SLC9A2: variants seen among roughly 807,000 people sequenced by gnomAD.
SLC9A2 encodes the protein solute carrier family 9 member A2.
A neutral mutation model predicts 71.7 loss-of-function variants in SLC9A2; 42 were observed. That is an observed-to-expected ratio of 0.59 (90% CI 0.46 to 0.76). The LOEUF (loss-of-function observed/expected upper bound fraction) is 0.76. Among genes scored for constraint, SLC9A2 ranks in the 30% least tolerant of loss-of-function variants. The pLI is 0.00. For synonymous variants in SLC9A2, 396 were observed against 392.5 expected (o/e 1.01, Z -0.10); for missense variants, 829 against 1,017.4 (o/e 0.81, Z 2.52).
intron 1 of SLC9A2, among the ~76,000 whole-genome samples, chr2:102,625,718 CATT>C (rs1676234437): frequency 6.6e-6 from 1 of 152,126 alleles, no homozygotes; most frequent in Admixed American, 6.5e-5. Flanking sequence ...TCCAGTCTAT[CATT>C]GTTGGACATT....
chr2:102,699,108 G>A (rs773496211), intron 7 of SLC9A2, among the ~76,000 whole-genome samples: 3 of 152,278 alleles, frequency 2.0e-5, no homozygotes, highest in South Asian at 2.1e-4. Context: ...TCTGGGCAGC[G>A]AGATGGGGAC....
chr2:102,654,425 G>A (rs566556334), intron 1 of SLC9A2, among the ~76,000 whole-genome samples: 2 of 152,164 alleles, frequency 1.3e-5, no homozygotes, highest in East Asian at 1.9e-4. Context: ...AATTATTGGA[G>A]CCTTTTGTAG....
At chr2:102,652,062 A>G (rs928633821) in intron 1 of SLC9A2, among the ~76,000 whole-genome samples, 7 of 152,146 alleles carry the variant, frequency 4.6e-5, no homozygotes, top group Admixed American at 6.5e-5. Flanking sequence ...ACATGGATCC[A>G]TTTGAAAGTT....
rs753133930 is a variant in SLC9A2, at chr2:102,704,516, T to C, written c.1846-28T>C. 1.9e-6 allele frequency: 3 copies of C among 1,602,912 alleles called. No homozygotes were observed. In the Admixed American group the frequency reaches 5.0e-5, roughly 27 times the overall value. On this transcript the variant is annotated intron_variant, in intron 9 of 11. Coordinates refer to ENST00000233969, the MANE Select transcript of SLC9A2 (RefSeq NM_003048.6). ...TGATCAGGTTTTTGTTTTTGTTTTTTAATGTCCTCTATATGTTTTCATTCC... is the reference window on the plus strand; with the variant it reads ...TGATCAGGTTTTTGTTTTTGTTTTTCAATGTCCTCTATATGTTTTCATTCC...
chr2:102,655,216 T>G lies in SLC9A2; in HGVS notation c.290-2348T>G, dbSNP rs886987770. Among the ~76,000 whole-genome samples the G allele has an allele frequency of 3.3e-5, 5 of 151,492 alleles. No homozygotes were observed. In the East Asian group the frequency reaches 9.6e-4, roughly 29 times the overall value. Reference sequence around the variant, plus strand: ...CTTTCTTTATACCCTTATTCTTTTTTTTTTTTTTTTGAGTTCAACTTCCAT... The same window carrying G: ...CTTTCTTTATACCCTTATTCTTTTTGTTTTTTTTTTGAGTTCAACTTCCAT... On this transcript the variant is annotated intron_variant, in intron 1 of 11. Coordinates refer to ENST00000233969, the MANE Select transcript of SLC9A2 (RefSeq NM_003048.6).
At chr2:102,672,526 A>G (rs1677272718) in intron 3 of SLC9A2, among the ~76,000 whole-genome samples, 1 of 152,234 alleles carries the variant, frequency 6.6e-6, no homozygotes, top group Admixed American at 6.5e-5. Flanking sequence ...TGCTCTTTAT[A>G]AAGACCATTT....
In SLC9A2 at chr2:102,704,620, G is replaced by T; in HGVS notation, c.1922G>T (p.Arg641Leu). Residue 641 changes from arginine to leucine, a missense_variant, in exon 10 of 12, where the codon CGA becomes CTA. Arg to Leu is a moderately radical substitution (Grantham distance 102). Coordinates refer to ENST00000233969, the MANE Select transcript of SLC9A2 (RefSeq NM_003048.6). Reference sequence around the variant, plus strand: ...GCCAAGGAGATTCTGATTCGCCGGCGACACAGTTTGCGAGAAAGCATTAGG... The same window carrying T: ...GCCAAGGAGATTCTGATTCGCCGGCTACACAGTTTGCGAGAAAGCATTAGG... ...RQAKEILIRR[R>L]HSLRESIRKD... 6.2e-7 allele frequency: 1 copy of T among 1,613,594 alleles called. No homozygotes were observed. Among genetic ancestry groups the T allele is most frequent in the South Asian group, 1.1e-5 (1 of 91,060 alleles).
intron 7 of SLC9A2, among the ~76,000 whole-genome samples, chr2:102,695,578 A>T (rs144638004): frequency 5.9e-5 from 9 of 151,708 alleles, no homozygotes; most frequent in Non-Finnish European, 1.0e-4. Context: ...TCTTCTGATC[A>T]TTGGCTTGGA....
rs375902709 is a variant in SLC9A2, at chr2:102,683,897, A to ATAAG, written c.1223-235_1223-232dup. Among the ~76,000 whole-genome samples the ATAAG allele has an allele frequency of 4.5e-3, 687 of 151,710 alleles. 5 individuals carry two copies. The highest frequency in any genetic ancestry group is 0.016 in the African/African-American group (651 of 41,294). Reference sequence around the variant, plus strand: ...CTCTGAGTATCTTCATGGCTTTGTTATAAGTCAGATTAGTTTGTCTTGTCT... The same window carrying ATAAG: ...CTCTGAGTATCTTCATGGCTTTGTTATAAGTAAGTCAGATTAGTTTGTCTTGTCT... On this transcript the variant is annotated intron_variant, in intron 4 of 11. Coordinates refer to ENST00000233969, the MANE Select transcript of SLC9A2 (RefSeq NM_003048.6).
At chr2:102,673,856 G>A (rs769599499) in intron 3 of SLC9A2, among the ~76,000 whole-genome samples, 1 of 148,236 alleles carries the variant, frequency 6.7e-6, no homozygotes, top group Non-Finnish European at 1.5e-5. Context: ...GCGTGATCTT[G>A]GCTCACTGCA....
At chr2:102,679,669 C>T (rs6725861) in intron 3 of SLC9A2, among the ~76,000 whole-genome samples, 3,671 of 152,200 alleles carry the variant, frequency 0.024, 137 homozygotes, top group African/African-American at 0.076. Context: ...TGAGCCACTG[C>T]GCCCAGCCAC....
intron 1 of SLC9A2, among the ~76,000 whole-genome samples, chr2:102,635,821 A>G (rs1490288204): frequency 6.6e-6 from 1 of 152,136 alleles, no homozygotes. Context: ...GGTTTTGCTA[A>G]AGGGATTTGG....
chr2:102,661,829 A>G (rs1315818037), intron 2 of SLC9A2, among the ~76,000 whole-genome samples: 1 of 152,236 alleles, frequency 6.6e-6, no homozygotes, highest in Non-Finnish European at 1.5e-5. Context: ...CACTAGAGTC[A>G]TTTGTAGCCC....
chr2:102,704,680 C>T lies in SLC9A2; in HGVS notation c.1977+5C>T. Reference sequence around the variant, plus strand: ...AGCTTGAATCGAGAACACAGGGTAACTGAGTGTGCGCCTCTAGGAGACTTC... The same window carrying T: ...AGCTTGAATCGAGAACACAGGGTAATTGAGTGTGCGCCTCTAGGAGACTTC... On this transcript the variant is annotated splice_donor_5th_base_variant and intron_variant, in intron 10 of 11. Coordinates refer to ENST00000233969, the MANE Select transcript of SLC9A2 (RefSeq NM_003048.6). 6.2e-7 allele frequency: 1 copy of T among 1,609,348 alleles called. No homozygotes were observed. The highest frequency in any genetic ancestry group is 8.5e-7 in the Non-Finnish European group (1 of 1,176,886).
intron 3 of SLC9A2, among the ~76,000 whole-genome samples, chr2:102,678,097 C>A (rs1340812966): frequency 2.0e-5 from 3 of 152,164 alleles, no homozygotes; most frequent in African/African-American, 7.2e-5. Flanking sequence ...TGCTTTCCTG[C>A]ACTTCTATAG....
chr2:102,653,177 C>T (rs1206886339), intron 1 of SLC9A2, among the ~76,000 whole-genome samples: 1 of 152,192 alleles, frequency 6.6e-6, no homozygotes, highest in African/African-American at 2.4e-5. Context: ...TCTTGTGTGA[C>T]AGCCCTTCAT....
In SLC9A2 at chr2:102,628,943, A is replaced by G. The variant is rs372106246; in HGVS notation, c.289+8806A>G. 3.8e-4 allele frequency among the ~76,000 whole-genome samples: 58 copies of G among 152,208 alleles called. No individual in the cohort carries two copies. The South Asian group carries it at 0.012, about 32-fold the overall frequency. On this transcript the variant is annotated intron_variant, in intron 1 of 11. Coordinates refer to ENST00000233969, the MANE Select transcript of SLC9A2 (RefSeq NM_003048.6). ...TGTGATATCCTTTATGGCTTATTTT[A>G]TGGACATTTTAAAACTATATTTTCC...
chr2:102,665,477 T>A, intron 3 of SLC9A2, 127 bp downstream of exon 3: 2 of 1,153,502 alleles, frequency 1.7e-6, no homozygotes, highest in Non-Finnish European at 1.2e-6. Context: ...TAAGAAAAAT[T>A]AAAAATAGAT....
chr2:102,690,968 CAAAAAA>C lies in SLC9A2; in HGVS notation c.1426-3432_1426-3427del, dbSNP rs57709703. 6.4e-3 allele frequency among the ~76,000 whole-genome samples: 834 copies of C among 131,244 alleles called. 7 individuals are homozygous for C. The highest frequency in any genetic ancestry group is 0.021 in the African/African-American group (737 of 35,542). The allele number at this position is 131,244 out of a possible 152,430, so 86.1% of individuals were successfully genotyped here. ...ACACAAAACAAGAACTCATTTTCTT[CAAAAAA>C]AAAAAAAAAAAAAGATGAAAAGAAT... On this transcript the variant is annotated intron_variant, in intron 5 of 11. Coordinates refer to ENST00000233969, the MANE Select transcript of SLC9A2 (RefSeq NM_003048.6).
Sources: gnomAD v4.1 joint callset for allele counts (sites outside exome capture counted in the v4.1 genomes callset) on GRCh38, gnomAD v4.1.1 for gene constraint, MANE v1.5 for transcripts, NCBI Gene and HGNC (gene_info 2026-07-23, HGNC 2026-07-21) for gene names.